MXI1: variants seen among roughly 807,000 people sequenced by gnomAD.
MXI1 encodes the protein MAX interactor 1, dimerization protein, also known as max-interacting protein 1.
Under a neutral mutation model 36.9 loss-of-function variants are expected in MXI1, and 18 were observed. The observed-to-expected ratio is 0.49, with a 90% CI of 0.34 to 0.72. The LOEUF is 0.72. MXI1 is among the 30% of genes least tolerant of loss of function. The probability of loss-of-function intolerance (pLI) is 0.01; values close to 1 mark genes in which losing one functional copy is unlikely to be tolerated. For synonymous variants in MXI1, 160 were observed against 146.7 expected, an observed-to-expected ratio of 1.09 and a Z score of -0.65; for missense variants, 304 against 379.1, an observed-to-expected ratio of 0.80 and a Z score of 1.64.
intron 2 of MXI1, among the ~76,000 whole-genome samples, chr10:110,240,910 G>C (rs1855649191): frequency 6.6e-6 from 1 of 152,014 alleles, no homozygotes; most frequent in African/African-American, 2.4e-5. Context: ...CTAGAAGAGA[G>C]TATTGAAATT....
chr10:110,256,459 C>T lies in MXI1; in HGVS notation c.437+11602C>T, dbSNP rs531248656. On this transcript the variant is annotated intron_variant, in intron 3 of 5. Transcript: ENST00000332674. ...TCGCTACTAAAAATACAAAATTAGC[C>T]GGGCATGGTGGTGCATGCCTGTAAT... is the stretch of plus-strand genomic sequence containing the variant. Among the ~76,000 whole-genome samples, 17 of 151,184 alleles carry T rather than the reference C, an allele frequency of 1.1e-4. No individual in the cohort carries two copies. In the East Asian group the frequency reaches 1.6e-3, roughly 14 times the overall value.
At chr10:110,208,134 C>T in intron 1 of MXI1, 52 bp downstream of exon 1, 6 of 1,546,758 alleles carry the variant, frequency 3.9e-6, no homozygotes, top group Non-Finnish European at 4.4e-6. Context: ...TTCTTTCTCG[C>T]CCACTTGGGC....
At chr10:110,269,704 G>C (rs1181061327) in intron 3 of MXI1, among the ~76,000 whole-genome samples, 1 of 152,198 alleles carries the variant, frequency 6.6e-6, no homozygotes, top group Non-Finnish European at 1.5e-5. Context: ...TAGGAAGTTT[G>C]TTTTGGTTTC....
intron 1 of MXI1, among the ~76,000 whole-genome samples, chr10:110,216,665 G>GTTGTTTTTTTTTTTTTTTTTTT (rs1854644212): frequency 1.3e-5 from 1 of 79,060 alleles, no homozygotes; most frequent in African/African-American, 8.0e-5. Flanking sequence ...TGTGTTTAAT[G>GTTGTTTTTTTTTTTTTTTTTTT]TTTTTTTTTT....
chr10:110,261,166 C>A lies in MXI1; in HGVS notation c.437+16309C>A, dbSNP rs557506405. The stretch of plus-strand genomic sequence containing the variant: ...TACAGGTCAGTATGTTGGAATCTTT[C>A]TTCCTAACCATTTAGACAATAAAAG... On this transcript the variant is annotated intron_variant, in intron 3 of 5. Transcript: ENST00000332674. The A allele has an allele frequency of 4.6e-5, 45 of 980,758 alleles. No homozygotes were observed. In the African/African-American group the frequency reaches 7.9e-4, roughly 17 times the overall value. 60.8% of individuals were successfully genotyped at this position (980,758 alleles called of 1,614,324 possible).
intron 1 of MXI1, among the ~76,000 whole-genome samples, chr10:110,224,796 C>T (rs1854913871): frequency 6.6e-6 from 1 of 152,022 alleles, no homozygotes; most frequent in Non-Finnish European, 1.5e-5. Flanking sequence ...TACAGGCACC[C>T]GCCACCATGC....
In MXI1 at chr10:110,244,890, C is replaced by G. The variant is rs757328814; in HGVS notation, c.437+33C>G. Reference sequence around the variant, plus strand: ...AGTGATGAGGTACAGCTTTCACTTACGTTTAAAAGCAAACTCACCATTTTA... The same window carrying G: ...AGTGATGAGGTACAGCTTTCACTTAGGTTTAAAAGCAAACTCACCATTTTA... On this transcript the variant is annotated intron_variant, in intron 3 of 5. Coordinates refer to ENST00000332674, the MANE Select transcript of MXI1 (RefSeq NM_130439.3). The G allele has an allele frequency of 4.1e-5, 66 of 1,599,088 alleles. 1 individual carries two copies. In the South Asian group the frequency reaches 6.5e-4, roughly 16 times the overall value.
chr10:110,227,911 AG>A (rs1855117717), intron 1 of MXI1: 1 of 419,838 alleles, frequency 2.4e-6, no homozygotes, highest in African/African-American at 2.0e-5. Context: ...TTTGTTCTAA[AG>A]CATCTGAAAT....
chr10:110,267,450 C>A (rs988000866), intron 3 of MXI1, among the ~76,000 whole-genome samples: 1 of 152,098 alleles, frequency 6.6e-6, no homozygotes, highest in Non-Finnish European at 1.5e-5. Flanking sequence ...ATTGATGCAA[C>A]CAAATATGTC....
At chr10:110,239,118 C>T (rs1310834676) in intron 2 of MXI1, among the ~76,000 whole-genome samples, 4 of 152,136 alleles carry the variant, frequency 2.6e-5, no homozygotes, top group Admixed American at 6.5e-5. Context: ...AGTTTCTCAA[C>T]GTTAGCAGTC....
intron 1 of MXI1, chr10:110,227,633 C>A: frequency 1.2e-6 from 1 of 847,424 alleles, no homozygotes; most frequent in Non-Finnish European, 1.4e-6. Context: ...GGGGGAAAAC[C>A]GGTGGAGAGG....
rs1360014670 is a variant in MXI1 at position 110,228,389 on chromosome 10, G to A, written c.407+68G>A. ...GAGCACATTTCTCCTGTAATCCCAA[G>A]TCTGAAGGAGCAGCACTTGATGGGT... is the stretch of plus-strand genomic sequence containing the variant. On this transcript the variant is annotated intron_variant, in intron 2 of 5. Transcript: ENST00000332674. 1.0e-5 allele frequency: 16 copies of A among 1,591,208 alleles called. No homozygotes were observed. The African/African-American group carries it at 1.5e-4, about 15-fold the overall frequency.
intron 3 of MXI1, among the ~76,000 whole-genome samples, chr10:110,259,897 A>G (rs993191330): frequency 5.3e-5 from 8 of 152,086 alleles, no homozygotes; most frequent in Non-Finnish European, 1.0e-4. Context: ...CAGTTCTTTA[A>G]GACGAATTTG....
chr10:110,261,844 A>G (rs1449396689), intron 3 of MXI1, among the ~76,000 whole-genome samples: 1 of 152,130 alleles, frequency 6.6e-6, no homozygotes, highest in African/African-American at 2.4e-5. Context: ...ACTCATGTAC[A>G]GATAGGCATG....
At chr10:110,233,476 T>A (rs1855344368) in intron 2 of MXI1, among the ~76,000 whole-genome samples, 1 of 152,110 alleles carries the variant, frequency 6.6e-6, no homozygotes, top group African/African-American at 2.4e-5. Context: ...AAGAATTGAA[T>A]GAAGCCTTAT....
At chr10:110,213,105 T>C (rs1428220555) in intron 1 of MXI1, among the ~76,000 whole-genome samples, 1 of 152,182 alleles carries the variant, frequency 6.6e-6, no homozygotes, top group Non-Finnish European at 1.5e-5. Flanking sequence ...GAGTCAGAAA[T>C]ACTGATCTCC....
chr10:110,208,446 C>G (rs1263490391), intron 1 of MXI1: 2 of 166,736 alleles, frequency 1.2e-5, no homozygotes, highest in African/African-American at 5.0e-5. Context: ...TTTCCGGAGC[C>G]TTCTCAGGCA....
intron 5 of MXI1, 64 bp from the exon 6 acceptor site, chr10:110,284,760 T>C (rs749685920): frequency 1.1e-4 from 161 of 1,424,996 alleles, no homozygotes; most frequent in Non-Finnish European, 1.4e-4. Context: ...CTCATGCTGT[T>C]AGTTTTTGAA....
rs147266082 is a variant in MXI1, at chr10:110,284,775, C to T, written c.725-49C>T. On this transcript the variant is annotated intron_variant, in intron 5 of 5. Coordinates refer to ENST00000332674, the MANE Select transcript of MXI1 (RefSeq NM_130439.3). ...CTCATGCTGTTAGTTTTTGAAGGTG[C>T]GCTATACTCGATAATTAATGTTCTT... The T allele has an allele frequency of 1.7e-3, 2,630 of 1,525,774 alleles. 80 individuals carry two copies. The Admixed American group carries it at 0.048, about 28-fold the overall frequency. 94.5% of individuals were successfully genotyped at this position (1,525,774 alleles called of 1,614,324 possible). A position where few individuals can be genotyped will look rare whatever the true frequency, so the allele number is the denominator to read the frequency against.
Sources: gnomAD v4.1 joint callset for allele counts (sites outside exome capture counted in the v4.1 genomes callset) on GRCh38, gnomAD v4.1.1 for gene constraint, MANE v1.5 for transcripts, NCBI Gene and HGNC (gene_info 2026-07-23, HGNC 2026-07-21) for gene names.